The following PITPNM3 variants were observed in gnomAD, a reference collection of about 807,000 sequenced individuals.
PITPNM3 encodes PITPNM family member 3, also known as membrane-associated phosphatidylinositol transfer protein 3.
In PITPNM3, 26 loss-of-function variants were observed where a neutral mutation model predicts 102.0. The observed-to-expected ratio is 0.25, with a 90% CI of 0.19 to 0.35. The LOEUF is 0.35. PITPNM3 is among the 10% of genes least tolerant of loss of function. The pLI is 1.00. For missense variants in PITPNM3, 1,083 were observed against 1,346.1 expected (o/e 0.80, Z 3.06); for synonymous variants, 578 against 558.6 (o/e 1.03, Z -0.49).
At chr17:6,515,233 T>TA (rs908433330) in intron 3 of PITPNM3, among the ~76,000 whole-genome samples, 9 of 151,240 alleles carry the variant, frequency 6.0e-5, no homozygotes, top group South Asian at 2.1e-4. Flanking sequence ...CTGTCTCTAC[T>TA]AAAAAAATAC....
At position 6,477,196 on chromosome 17, in the gene PITPNM3, C is replaced by T; in HGVS notation, c.918G>A (p.Val306=). 5 of 1,614,138 alleles carry T rather than the reference C, an allele frequency of 3.1e-6. No homozygotes were observed. The highest frequency in any genetic ancestry group is 1.1e-5 in the South Asian group (1 of 91,078). ...ISSTQDTPVA[V]EEDCSLASSK... ...TGCTGGCCAGGCTGCAATCTTCCTCCACCGCGACTGGGGTGTCCTTTGGGA... is the reference window on the plus strand; with the variant it reads ...TGCTGGCCAGGCTGCAATCTTCCTCTACCGCGACTGGGGTGTCCTTTGGGA... The change falls in exon 9 of 20, where the codon GTG becomes GTA. Residue 306 remains valine (V), a synonymous_variant. Transcript: ENST00000262483.
Position 6,483,590 on chromosome 17 carries a change from C to T in PITPNM3, c.514G>A (p.Ala172Thr). The T allele has an allele frequency of 6.2e-7, 1 of 1,614,068 alleles. No individual in the cohort carries two copies. Among genetic ancestry groups the T allele is most frequent in the Non-Finnish European group, 8.5e-7 (1 of 1,180,012 alleles). Reference protein sequence around the residue: ...EKVTRAHFPAALGHILIKFVP... With the variant: ...EKVTRAHFPATLGHILIKFVP... ...AACTTGATGAGGATGTGGCCCAGGGCAGCAGGGAAATGGGCTCGTGTGACC... is the reference window on the plus strand; with the variant it reads ...AACTTGATGAGGATGTGGCCCAGGGTAGCAGGGAAATGGGCTCGTGTGACC... Residue 172 changes from alanine (A) to threonine (T), a missense_variant, in exon 6 of 20, where the codon GCC (alanine) becomes ACC (threonine). Around this residue, in one of 5 missense-constraint regions of PITPNM3, gnomAD observed 290 missense variants for 337.8 expected, o/e 0.86. Coordinates refer to ENST00000262483, the MANE Select transcript of PITPNM3 (RefSeq NM_031220.4).
At chr17:6,508,920 G>A (rs77973011) in intron 3 of PITPNM3, among the ~76,000 whole-genome samples, 3 of 152,320 alleles carry the variant, frequency 2.0e-5, no homozygotes, top group East Asian at 3.9e-4. Flanking sequence ...CTCCCAGGAC[G>A]AGGGTGATTA....
At position 6,470,763 on chromosome 17, in the gene PITPNM3, A is replaced by C. The variant is rs1435111796; in HGVS notation, c.1625-355T>G. 6.6e-6 allele frequency among the ~76,000 whole-genome samples: 1 copy of C among 152,122 alleles called. No homozygotes were observed. Among genetic ancestry groups the C allele is most frequent in the Non-Finnish European group, 1.5e-5 (1 of 68,004 alleles). On this transcript the variant is annotated intron_variant, in intron 12 of 19. Transcript: ENST00000262483. This position sits in a 1 kb window ranked among gnomAD's most constrained non-coding sequence, Gnocchi z 4.8. ...GTCTGGAAGGTTCAGCACTTCCTTA[A>C]TGGTCAGAGGTCAGAGCCCTGTCCA...
Position 6,478,108 on chromosome 17 carries a change from T to C in PITPNM3, c.778-11A>G. ...CCCGATGAGACACACCTGGAAGAGA[T>C]GCAGCTGGGACTGCAGGCCTGCCCA... is the stretch of plus-strand genomic sequence containing the variant. On this transcript the variant is annotated splice_polypyrimidine_tract_variant and intron_variant, in intron 7 of 19. Transcript: ENST00000262483. This position sits in a 1 kb window ranked among gnomAD's most constrained non-coding sequence, Gnocchi z 4.4. 1.9e-6 allele frequency: 3 copies of C among 1,612,966 alleles called. No homozygotes were observed. Among genetic ancestry groups the C allele is most frequent in the Non-Finnish European group, 1.7e-6 (2 of 1,180,036 alleles).
intron 4 of PITPNM3, among the ~76,000 whole-genome samples, chr17:6,490,301 T>G (rs8077505): frequency 0.02 from 2,985 of 152,120 alleles, 105 homozygotes; most frequent in African/African-American, 0.067. Flanking sequence ...AAACTAACCC[T>G]CTACTCAGAG....
intron 4 of PITPNM3, 87 bp downstream of exon 4, chr17:6,503,440 C>A: frequency 6.9e-7 from 1 of 1,448,148 alleles, no homozygotes; most frequent in Non-Finnish European, 9.6e-7. Flanking sequence ...CTTTCAGGCT[C>A]TGAGTGGATG....
At chr17:6,540,820 G>A (rs985087005) in intron 1 of PITPNM3, among the ~76,000 whole-genome samples, 3 of 152,196 alleles carry the variant, frequency 2.0e-5, no homozygotes, top group African/African-American at 4.8e-5. Flanking sequence ...CACCATGCCC[G>A]GCTAATTTTT....
intron 4 of PITPNM3, among the ~76,000 whole-genome samples, chr17:6,490,220 C>T (rs1255061333): frequency 6.6e-6 from 1 of 152,082 alleles, no homozygotes; most frequent in Non-Finnish European, 1.5e-5. Context: ...GCATGACACA[C>T]ACATGCAGAA....
Position 6,474,628 on chromosome 17 carries a change from G to T in PITPNM3, c.1086-24C>A, listed in dbSNP as rs1231326191. 3.2e-6 allele frequency: 5 copies of T among 1,549,944 alleles called. No homozygotes were observed. The South Asian group carries it at 5.9e-5, about 18-fold the overall frequency. On this transcript the variant is annotated intron_variant, in intron 9 of 19. Transcript: ENST00000262483. ...TGCTGCGGAGGGAGGAGGACGCAGG[G>T]CAGGGCAGGTCAGGGAAGGACCGAG... is the stretch of plus-strand genomic sequence containing the variant.
rs1479500392 is a variant in PITPNM3, at chr17:6,471,323, G to A, written c.1462C>T (p.Leu488=). 3 of 1,607,264 alleles carry A rather than the reference G, an allele frequency of 1.9e-6. No homozygotes were observed. Among genetic ancestry groups the A allele is most frequent in the Non-Finnish European group, 1.7e-6 (2 of 1,177,932 alleles). Residue 488 remains leucine, a synonymous_variant, in exon 12 of 20, where the codon CTG becomes TTG. Coordinates refer to ENST00000262483, the MANE Select transcript of PITPNM3 (RefSeq NM_031220.4). ...GGGCTGTCCCGGGAGCTGCCCTCCA[G>A]GAAGAGGGGGCTGTGGGTGTGTAGG... ...DALHTHSPLF[L]EGSSRDSPPL...
At chr17:6,525,299 C>CA in intron 3 of PITPNM3, 57 bp downstream of exon 3, 1 of 1,473,156 alleles carries the variant, frequency 6.8e-7, no homozygotes, top group Non-Finnish European at 9.5e-7. Context: ...AGCCCTACAG[C>CA]CCCCCCTGCA....
At chr17:6,476,881 A>C in intron 9 of PITPNM3, 148 bp downstream of exon 9, 1 of 958,492 alleles carries the variant, frequency 1.0e-6, no homozygotes, top group Non-Finnish European at 1.5e-6. Flanking sequence ...GTCCCTCAGT[A>C]CAGGGCCGAT....
In PITPNM3 at chr17:6,458,755, C is replaced by T. The variant is rs1904323338; in HGVS notation, c.2491-1033G>A. Among the ~76,000 whole-genome samples the T allele has an allele frequency of 6.6e-6, 1 of 152,092 alleles. No homozygotes were observed. The highest frequency in any genetic ancestry group is 2.1e-4 in the South Asian group (1 of 4,812). On this transcript the variant is annotated intron_variant, in intron 18 of 19. Coordinates refer to ENST00000262483, the MANE Select transcript of PITPNM3 (RefSeq NM_031220.4). The surrounding 1 kb of genome is among the most constrained non-coding windows in gnomAD (Gnocchi z 5.1). ...CATGGCATCCCTGTGTCCTTGCCTC[C>T]ACCCCGGATTCTCTCACCCCTTCAT...
rs561514421 is a variant in PITPNM3, at chr17:6,509,049, C to G, written c.227-5475G>C. Among the ~76,000 whole-genome samples the G allele has an allele frequency of 1.2e-4, 18 of 152,170 alleles. 1 individual carries two copies. The South Asian group carries it at 2.3e-3, about 19-fold the overall frequency. On this transcript the variant is annotated intron_variant, in intron 3 of 19. Coordinates refer to ENST00000262483, the MANE Select transcript of PITPNM3 (RefSeq NM_031220.4). ...CTGGAGCTTGTTTCAAGTGGAGGAGCTGCCAGAAACTCCTGCAGACAGGAT... is the reference window on the plus strand; with the variant it reads ...CTGGAGCTTGTTTCAAGTGGAGGAGGTGCCAGAAACTCCTGCAGACAGGAT...
chr17:6,532,554 T>C (rs1426580922), intron 2 of PITPNM3, among the ~76,000 whole-genome samples: 1 of 152,136 alleles, frequency 6.6e-6, no homozygotes, highest in Non-Finnish European at 1.5e-5. Flanking sequence ...TTGGTTTTCA[T>C]GTCCTAGACT....
rs1303397082 is a variant in PITPNM3, at chr17:6,468,339, T to C, written c.1776A>G (p.Val592=). Residue 592 remains valine, a splice_region_variant and synonymous_variant, in exon 14 of 20, where the codon GTA becomes GTG. Coordinates refer to ENST00000262483, the MANE Select transcript of PITPNM3 (RefSeq NM_031220.4). This position sits in a 1 kb window ranked among gnomAD's most constrained non-coding sequence, Gnocchi z 5.2. ...TDVVAFILRQ[V]MRYESVNIKE... ...TGATGTTCACGCTCTCATAGCGCAT[T>C]ACCTAGCCAAGAGCCGAGCAGGGCC... is the stretch of plus-strand genomic sequence containing the variant. 3 of 1,613,980 alleles carry C rather than the reference T, an allele frequency of 1.9e-6. No homozygotes were observed. The highest frequency in any genetic ancestry group is 1.7e-6 in the Non-Finnish European group (2 of 1,179,984).
chr17:6,504,284 C>T (rs1597389336), intron 3 of PITPNM3, among the ~76,000 whole-genome samples: 1 of 152,124 alleles, frequency 6.6e-6, no homozygotes, highest in Non-Finnish European at 1.5e-5. Flanking sequence ...TCTCCACAGC[C>T]CACACTCCAG....
chr17:6,533,287 T>C (rs1909240185), intron 2 of PITPNM3, among the ~76,000 whole-genome samples: 1 of 152,168 alleles, frequency 6.6e-6, no homozygotes, highest in African/African-American at 2.4e-5. Flanking sequence ...TAATCAGCCA[T>C]TCTAATAAGT....
Sources: gnomAD v4.1 joint callset for allele counts (sites outside exome capture counted in the v4.1 genomes callset) on GRCh38, gnomAD v4.1.1 for gene constraint, gnomAD v4.1.1 regional missense constraint, Gnocchi (gnomAD v3.1) non-coding constraint, MANE v1.5 for transcripts, NCBI Gene and HGNC (gene_info 2026-07-23, HGNC 2026-07-21) for gene names.